Variants in ANKRD54 observed in about 807,000 individuals in gnomAD.
The protein encoded by ANKRD54 is ankyrin repeat domain-containing protein 54.
In ANKRD54, 26 loss-of-function variants were observed where a neutral mutation model predicts 36.2. That is an observed-to-expected ratio of 0.72 (90% confidence interval 0.53 to 1.00). The LOEUF (loss-of-function observed/expected upper bound fraction) is 1.00, where lower values mean the gene tolerates loss of function less well. Ranked by LOEUF, ANKRD54 falls within the 50% of genes least tolerant of loss-of-function variation. ANKRD54 has a pLI of 0.00. For synonymous variants in ANKRD54, 209 were observed against 188.4 expected, an observed-to-expected ratio of 1.11 and a Z score of -0.89; for missense variants, 384 against 424.3, an observed-to-expected ratio of 0.91 and a Z score of 0.83.
intron 3 of ANKRD54, among the ~76,000 whole-genome samples, chr22:37,837,557 G>A (rs1233294203): frequency 6.6e-6 from 1 of 152,166 alleles, no homozygotes; most frequent in Admixed American, 6.5e-5. Flanking sequence ...GGATATGGAG[G>A]GCCAACTTCA....
intron 6 of ANKRD54, 55 bp downstream of exon 6, chr22:37,832,903 G>T: frequency 6.2e-7 from 1 of 1,608,368 alleles, no homozygotes; most frequent in Non-Finnish European, 8.5e-7. Context: ...GGTTAGGGCA[G>T]CATCTGTCCA....
At chr22:37,836,141 GT>G (rs1256218348) in intron 3 of ANKRD54, among the ~76,000 whole-genome samples, 1 of 146,602 alleles carries the variant, frequency 6.8e-6, no homozygotes, top group African/African-American at 2.5e-5. Flanking sequence ...GGCAAAACTT[GT>G]TTTTAAAAAA....
At chr22:37,847,437 C>CA (rs1924901945), upstream of ANKRD54, among the ~76,000 whole-genome samples, 1 of 152,152 alleles carries the variant, frequency 6.6e-6, no homozygotes, top group Admixed American at 6.5e-5. Flanking sequence ...GCTGGGATTA[C>CA]AGGTGTGAAC....
chr22:37,843,889 C>CCGCGCCGCT lies in ANKRD54; in HGVS notation c.328+13_328+21dup, dbSNP rs926800560. ...GCCCGGGCTGCCCCGCCCCGGGCCC[C>CCGCGCCGCT]CGCGCCGCTCGCGCCGCTCACCGTG... On this transcript the variant is annotated intron_variant, in intron 1 of 7. Coordinates refer to ENST00000215941, the MANE Select transcript of ANKRD54 (RefSeq NM_138797.4). 142 of 1,212,658 alleles carry CCGCGCCGCT rather than the reference C, an allele frequency of 1.2e-4. No homozygotes were observed. The Admixed American group carries it at 1.5e-3, about 12-fold the overall frequency. The allele number at this position is 1,212,658 out of a possible 1,614,324, so 75.1% of individuals were successfully genotyped here.
chr22:37,832,127 G>T, intron 7 of ANKRD54, 110 bp from the exon 8 acceptor site: 7 of 1,009,650 alleles, frequency 6.9e-6, no homozygotes, highest in Non-Finnish European at 1.0e-5. Flanking sequence ...CTCCTCCCAG[G>T]GCGTGTGGTG....
In ANKRD54 at chr22:37,844,327, A is replaced by C; in HGVS notation, c.-89T>G. On this transcript the variant is annotated 5_prime_UTR_variant, in exon 1 of 8. Coordinates refer to ENST00000215941, the MANE Select transcript of ANKRD54 (RefSeq NM_138797.4). ...TCCCTCCGCCCTGAGTCGTGCTGTC[A>C]GCGAGCTGGCGGGCGGGCAGGGCCC... 7.0e-7 allele frequency: 1 copy of C among 1,431,886 alleles called. No individual in the cohort carries two copies. The highest frequency in any genetic ancestry group is 9.3e-7 in the Non-Finnish European group (1 of 1,079,394). 88.7% of individuals were successfully genotyped at this position (1,431,886 alleles called of 1,614,324 possible). A position where few individuals can be genotyped will look rare whatever the true frequency, so the allele number is the denominator to read the frequency against.
Position 37,831,906 on chromosome 22 carries a change from G to A in ANKRD54, c.*37C>T. On this transcript the variant is annotated 3_prime_UTR_variant, in exon 8 of 8. Coordinates refer to ENST00000215941, the MANE Select transcript of ANKRD54 (RefSeq NM_138797.4). ...TGGTACTGAGACAGCAGTGGGGCAG[G>A]GTGGGGCAGTGGCAGGAAGGCAGGG... 6.2e-7 allele frequency: 1 copy of A among 1,604,566 alleles called. No homozygotes were observed. Among genetic ancestry groups the A allele is most frequent in the Non-Finnish European group, 8.5e-7 (1 of 1,173,116 alleles).
intron 3 of ANKRD54, 36 bp from the exon 4 acceptor site, chr22:37,833,791 G>A: frequency 6.2e-7 from 1 of 1,604,594 alleles, no homozygotes; most frequent in Non-Finnish European, 8.5e-7. Flanking sequence ...GTTGTCGGAG[G>A]CTTCCATTGC....
chr22:37,835,754 A>G (rs1355655225), intron 3 of ANKRD54, among the ~76,000 whole-genome samples: 1 of 152,208 alleles, frequency 6.6e-6, no homozygotes, highest in East Asian at 1.9e-4. Context: ...TGCAGTGGGC[A>G]GTGATCAGGC....
At chr22:37,832,838 T>C in intron 6 of ANKRD54, 94 bp from the exon 7 acceptor site, 1 of 1,603,264 alleles carries the variant, frequency 6.2e-7, no homozygotes, top group Non-Finnish European at 8.5e-7. Context: ...AGGTGCCAAC[T>C]GGGGTCAGTG....
chr22:37,831,117 A>G lies in ANKRD54; in HGVS notation c.*826T>C, dbSNP rs1484028422. 1 of 152,212 alleles carries G rather than the reference A, an allele frequency of 6.6e-6. No individual in the cohort carries two copies. Among genetic ancestry groups the G allele is most frequent in the Admixed American group, 6.5e-5 (1 of 15,272 alleles). 9.4% of individuals were successfully genotyped at this position (152,212 alleles called of 1,614,324 possible). ...CTGTTATACAGACCCGGGTGAGGACATCAAGCCCTCCTGAACAAGCTGGGA... is the reference window on the plus strand; with the variant it reads ...CTGTTATACAGACCCGGGTGAGGACGTCAAGCCCTCCTGAACAAGCTGGGA... On this transcript the variant is annotated 3_prime_UTR_variant, in exon 8 of 8. Transcript: ENST00000215941.
upstream of ANKRD54, among the ~76,000 whole-genome samples, chr22:37,846,881 T>C (rs1363254842): frequency 2.3e-5 from 2 of 87,466 alleles, no homozygotes; most frequent in Non-Finnish European, 5.0e-5. Flanking sequence ...TGAGACGGAG[T>C]CTCGCTCTGT....
intron 2 of ANKRD54, among the ~76,000 whole-genome samples, chr22:37,839,291 A>T (rs1315325279): frequency 6.6e-6 from 1 of 152,232 alleles, no homozygotes; most frequent in Non-Finnish European, 1.5e-5. Context: ...CTTGAAGGAT[A>T]TTCATCAAAA....
rs529343484 is a variant in ANKRD54, at chr22:37,833,103, G to A, written c.596-21C>T. On this transcript the variant is annotated intron_variant, in intron 5 of 7. Coordinates refer to ENST00000215941, the MANE Select transcript of ANKRD54 (RefSeq NM_138797.4). ...GGCCCCTGCAGGTACCAGCTGAGGT[G>A]AGCATTCTGGGGGTGAGGGGGAGAA... 8.4e-5 allele frequency: 136 copies of A among 1,614,070 alleles called. 2 individuals carry two copies. In the South Asian group the frequency reaches 1.4e-3, roughly 17 times the overall value.
At chr22:37,846,963 C>T (rs1924872902), upstream of ANKRD54, among the ~76,000 whole-genome samples, 1 of 150,814 alleles carries the variant, frequency 6.6e-6, no homozygotes, top group South Asian at 2.1e-4. Flanking sequence ...ACGCCATTCT[C>T]CTGCCTCAGC....
rs1924027839 is a variant in ANKRD54 at position 37,840,035 on chromosome 22, G to C, written c.376+152C>G. The C allele has an allele frequency of 7.7e-5, 70 of 906,208 alleles. No individual in the cohort carries two copies. In the South Asian group the frequency reaches 9.7e-4, roughly 13 times the overall value. The allele number at this position is 906,208 out of a possible 1,614,324, so 56.1% of individuals were successfully genotyped here. A position where few individuals can be genotyped will look rare whatever the true frequency, so the allele number is the denominator to read the frequency against. ...AGTGTCTAAGCCAGACTTACCTTCA[G>C]CAAGATGACTGCACAGTCAGACAAT... On this transcript the variant is annotated intron_variant, in intron 2 of 7. Coordinates refer to ENST00000215941, the MANE Select transcript of ANKRD54 (RefSeq NM_138797.4).
At chr22:37,844,382 TCAGGC>T, upstream of ANKRD54, 1 of 896,900 alleles carries the variant, frequency 1.1e-6, no homozygotes, top group Non-Finnish European at 1.6e-6. Context: ...GGGGGCGGGC[TCAGGC>T]CGAGACAGAG....
upstream of ANKRD54, chr22:37,844,465 T>G (rs1285149092): frequency 6.5e-6 from 3 of 462,926 alleles, no homozygotes; most frequent in Admixed American, 1.3e-4. Flanking sequence ...GAGGGCACAG[T>G]ACAAGCAGGA....
chr22:37,842,614 T>A (rs1446489496), intron 1 of ANKRD54, among the ~76,000 whole-genome samples: 4 of 152,226 alleles, frequency 2.6e-5, no homozygotes. Flanking sequence ...CCCCCTCCAA[T>A]GGCTAATGGA....
Sources: allele counts gnomAD v4.1 joint callset (sites outside exome capture counted in the v4.1 genomes callset), GRCh38; gene constraint gnomAD v4.1.1; transcripts MANE v1.5; gene names NCBI Gene and HGNC (gene_info 2026-07-23, HGNC 2026-07-21).